The following STIM2 variants were observed in gnomAD, a reference collection of about 807,000 sequenced individuals.
STIM2 encodes stromal interaction molecule 2.
STIM2 carries 31 observed loss-of-function variants against 85.8 expected under a neutral mutation model. That is an observed-to-expected ratio of 0.36 (90% CI 0.27 to 0.49). The LOEUF (loss-of-function observed/expected upper bound fraction) is 0.49. STIM2 is among the 20% of genes least tolerant of loss of function. The pLI is 0.98. For synonymous variants in STIM2, 356 were observed against 331.1 expected (o/e 1.08, Z -0.82); for missense variants, 841 against 927.6 (o/e 0.91, Z 1.21).
At chr4:26,902,238 A>G (rs896385301) in intron 1 of STIM2, among the ~76,000 whole-genome samples, 1 of 152,178 alleles carries the variant, frequency 6.6e-6, no homozygotes, top group Non-Finnish European at 1.5e-5. Context: ...GGGAAGTGGT[A>G]GAGAGTGGGA....
Position 26,922,668 on chromosome 4 carries a change from G to A in STIM2, c.282+3034G>A, listed in dbSNP as rs574431900. 7.9e-5 allele frequency among the ~76,000 whole-genome samples: 12 copies of A among 152,240 alleles called. No homozygotes were observed. The South Asian group carries it at 2.3e-3, about 29-fold the overall frequency. On this transcript the variant is annotated intron_variant, in intron 2 of 11. Coordinates refer to ENST00000467087, the MANE Select transcript of STIM2 (RefSeq NM_020860.4). ...TCTTTGAATCTTGAACCTTGTAACA[G>A]AGTTTTTGTAGAGCTCAGTTTTCCT...
intron 3 of STIM2, among the ~76,000 whole-genome samples, chr4:26,978,999 TG>T (rs1727291697): frequency 6.6e-6 from 1 of 152,212 alleles, no homozygotes; most frequent in African/African-American, 2.4e-5. Flanking sequence ...AGGCCTCTTT[TG>T]GTCCCACTCT....
At chr4:26,930,208 A>G (rs1725153731) in intron 2 of STIM2, among the ~76,000 whole-genome samples, 3 of 152,192 alleles carry the variant, frequency 2.0e-5, no homozygotes, top group Admixed American at 2.0e-4. Context: ...TGGAAAGTGT[A>G]GGTATTTGGT....
intron 3 of STIM2, among the ~76,000 whole-genome samples, chr4:26,984,017 G>C (rs1236483035): frequency 6.6e-6 from 1 of 152,156 alleles, no homozygotes; most frequent in Non-Finnish European, 1.5e-5. Flanking sequence ...AGCTATAATT[G>C]AAATGTTTCT....
intron 4 of STIM2, among the ~76,000 whole-genome samples, chr4:26,997,284 A>G (rs985142093): frequency 2.6e-5 from 4 of 152,190 alleles, no homozygotes. Flanking sequence ...TTGGCCTACA[A>G]CAGTCCATTA....
At chr4:26,897,975 C>T (rs1723773666) in intron 1 of STIM2, among the ~76,000 whole-genome samples, 1 of 152,130 alleles carries the variant, frequency 6.6e-6, no homozygotes, top group Non-Finnish European at 1.5e-5. Context: ...CTGTGTTGCC[C>T]AAGCTGGTCT....
chr4:26,861,607 G>T (rs533477378), intron 1 of STIM2: 1 of 445,128 alleles, frequency 2.2e-6, no homozygotes, highest in Admixed American at 4.8e-5. Flanking sequence ...CCCTTCAGTC[G>T]GGCTCTCCGA....
Position 26,941,951 on chromosome 4 carries a change from A to G in STIM2, c.283-15661A>G, listed in dbSNP as rs10003072. Among the ~76,000 whole-genome samples the G allele has an allele frequency of 5.3e-3, 808 of 152,292 alleles. 7 individuals carry two copies. The highest frequency in any genetic ancestry group is 0.019 in the African/African-American group (779 of 41,570). On this transcript the variant is annotated intron_variant, in intron 2 of 11. Transcript: ENST00000467087. ...AAACTTTCACTTTCTTTTGTAGAAG[A>G]CAATGAAGAGAAATCTTTGTATTAC...
intron 2 of STIM2, among the ~76,000 whole-genome samples, chr4:26,949,187 G>A (rs1325894629): frequency 6.6e-6 from 1 of 151,810 alleles, no homozygotes. Flanking sequence ...TATATTTTGG[G>A]TTTTATTAAT....
At chr4:27,005,327 G>A (rs1728295834) in intron 7 of STIM2, among the ~76,000 whole-genome samples, 1 of 152,094 alleles carries the variant, frequency 6.6e-6, no homozygotes, top group Non-Finnish European at 1.5e-5. Context: ...AAAGTCTCAG[G>A]AAGCCTTTAA....
intron 1 of STIM2, among the ~76,000 whole-genome samples, chr4:26,908,692 C>A (rs1032948799): frequency 2.6e-5 from 4 of 152,166 alleles, no homozygotes; most frequent in African/African-American, 9.7e-5. Flanking sequence ...CCATGTTGGC[C>A]AGGCTGGTGT....
intron 1 of STIM2, among the ~76,000 whole-genome samples, chr4:26,896,632 G>A (rs1258439094): frequency 1.3e-5 from 2 of 152,084 alleles, no homozygotes; most frequent in African/African-American, 4.8e-5. Context: ...TTTTAAAATT[G>A]GAAGTTTTCC....
At chr4:26,868,809 T>C (rs1388017648) in intron 1 of STIM2, among the ~76,000 whole-genome samples, 1 of 152,228 alleles carries the variant, frequency 6.6e-6, no homozygotes, top group Non-Finnish European at 1.5e-5. Flanking sequence ...TTGCTCTGTT[T>C]CCCTGATGCC....
chr4:27,017,683 A>G, intron 10 of STIM2, 28 bp from the exon 11 acceptor site: 1 of 1,610,826 alleles, frequency 6.2e-7, no homozygotes, highest in Non-Finnish European at 8.5e-7. Context: ...GGACTTCATG[A>G]GCATGTTTCT....
At chr4:26,992,208 T>C (rs1727792233) in intron 3 of STIM2, among the ~76,000 whole-genome samples, 1 of 152,114 alleles carries the variant, frequency 6.6e-6, no homozygotes, top group Non-Finnish European at 1.5e-5. Flanking sequence ...AAATGTAAAA[T>C]TAGATTTTCA....
intron 3 of STIM2, among the ~76,000 whole-genome samples, chr4:26,970,223 G>A (rs71618564): frequency 0.021 from 284 of 13,524 alleles, 1 homozygote; most frequent in African/African-American, 0.039. Context: ...ATATATATAT[G>A]TATATATATA....
rs552702400 is a variant in STIM2 at position 26,988,629 on chromosome 4, G to A, written c.398-6750G>A. Among the ~76,000 whole-genome samples the A allele has an allele frequency of 2.1e-4, 32 of 152,190 alleles. No individual in the cohort carries two copies. The East Asian group carries it at 3.3e-3, about 16-fold the overall frequency. On this transcript the variant is annotated intron_variant, in intron 3 of 11. Coordinates refer to ENST00000467087, the MANE Select transcript of STIM2 (RefSeq NM_020860.4). The stretch of plus-strand genomic sequence containing the variant: ...TCTGAAACTTGGTTTGACCATTTAC[G>A]AATCTTTTATACCTAATTAAGAACC...
At chr4:26,908,033 G>A (rs529936999) in intron 1 of STIM2, among the ~76,000 whole-genome samples, 1 of 152,228 alleles carries the variant, frequency 6.6e-6, no homozygotes, top group African/African-American at 2.4e-5. Context: ...TTCTCAGTTG[G>A]AAATGTTTCC....
chr4:27,007,881 C>T, intron 8 of STIM2, 181 bp downstream of exon 8: 1 of 723,776 alleles, frequency 1.4e-6, no homozygotes, highest in Middle Eastern at 2.4e-4. Flanking sequence ...AAAATTACTG[C>T]ATTTGGAGAA....
Sources: gnomAD v4.1 joint callset for allele counts (sites outside exome capture counted in the v4.1 genomes callset) on GRCh38, gnomAD v4.1.1 for gene constraint, MANE v1.5 for transcripts, NCBI Gene and HGNC (gene_info 2026-07-23, HGNC 2026-07-21) for gene names.